The following M1AP variants were observed in gnomAD, a reference collection of about 807,000 sequenced individuals.
M1AP encodes meiosis 1 arrest protein.
M1AP carries 39 observed loss-of-function variants against 51.2 expected under a neutral mutation model. That is an observed-to-expected ratio of 0.76 (90% CI 0.59 to 1.00). The LOEUF (loss-of-function observed/expected upper bound fraction) is 1.00. Among genes scored for constraint, M1AP ranks in the 50% least tolerant of loss-of-function variants. The pLI is 0.00. For synonymous variants in M1AP, 251 were observed against 249.2 expected (o/e 1.01, Z -0.07); for missense variants, 545 against 641.2 (o/e 0.85, Z 1.62).
chr2:74,584,123 G>C (rs572921922), intron 4 of M1AP, among the ~76,000 whole-genome samples: 6 of 152,142 alleles, frequency 3.9e-5, no homozygotes, highest in African/African-American at 1.4e-4. Flanking sequence ...AACATTCCTT[G>C]CAAGTAAAGA....
At chr2:74,645,796 T>C (rs1683575877) in intron 1 of M1AP, among the ~76,000 whole-genome samples, 1 of 152,188 alleles carries the variant, frequency 6.6e-6, no homozygotes, top group Non-Finnish European at 1.5e-5. Context: ...TGTACACTGC[T>C]GCTTTAATAA....
At chr2:74,642,272 AT>A (rs1343016368) in intron 1 of M1AP, among the ~76,000 whole-genome samples, 4 of 147,494 alleles carry the variant, frequency 2.7e-5, no homozygotes, top group African/African-American at 5.4e-5. Context: ...AACTAATAAT[AT>A]ACAAAAAAAA....
intron 4 of M1AP, among the ~76,000 whole-genome samples, chr2:74,591,329 A>C (rs1396932150): frequency 6.6e-6 from 1 of 152,230 alleles, no homozygotes; most frequent in African/African-American, 2.4e-5. Context: ...GAGATTGATC[A>C]CTATTGATTG....
chr2:74,603,652 T>C (rs1487520129), intron 4 of M1AP, among the ~76,000 whole-genome samples: 1 of 151,998 alleles, frequency 6.6e-6, no homozygotes, highest in East Asian at 1.9e-4. Flanking sequence ...GGGATGGAGA[T>C]AGAAAGGACA....
chr2:74,603,312 T>A (rs755075533), intron 4 of M1AP, among the ~76,000 whole-genome samples: 40 of 152,234 alleles, frequency 2.6e-4, no homozygotes, highest in Non-Finnish European at 4.6e-4. Context: ...AAGTTTCTAA[T>A]GCCAAGGTGC....
intron 2 of M1AP, among the ~76,000 whole-genome samples, chr2:74,626,973 C>A (rs556448457): frequency 5.9e-5 from 9 of 152,200 alleles, no homozygotes; most frequent in South Asian, 2.1e-4. Context: ...ACTTTACTAG[C>A]AGAATGTCTA....
Position 74,615,027 on chromosome 2 carries a change from C to G in M1AP, c.363G>C (p.Gln121His), listed in dbSNP as rs754918726. ...CATGTCTGCTGTATTGTTTGAATTG[C>G]TGGAGCCCATCCTCTACTGCCAGCC... Reference protein sequence around the residue: ...SLRLAVEDGLQQFKQYSRHVT... With the variant: ...SLRLAVEDGLHQFKQYSRHVT... The change falls in exon 3 of 11, where the codon CAG becomes CAC. Residue 121 changes from glutamine (Q) to histidine (H), a missense_variant. Physicochemically the swap from Gln to His is conservative, Grantham distance 24. Transcript: ENST00000421985. 1 of 1,614,170 alleles carries G rather than the reference C, an allele frequency of 6.2e-7. No homozygotes were observed. Among genetic ancestry groups the G allele is most frequent in the South Asian group, 1.1e-5 (1 of 91,074 alleles).
chr2:74,589,355 G>A (rs1220249544), intron 4 of M1AP, among the ~76,000 whole-genome samples: 1 of 152,216 alleles, frequency 6.6e-6, no homozygotes, highest in African/African-American at 2.4e-5. Context: ...GCACACTCAT[G>A]TATCAACAGG....
intron 2 of M1AP, among the ~76,000 whole-genome samples, chr2:74,638,928 A>G (rs1010066687): frequency 1.8e-4 from 28 of 152,352 alleles, no homozygotes; most frequent in African/African-American, 6.7e-4. Context: ...CAAACTGTAG[A>G]AAGGATCAGT....
chr2:74,575,617 A>G (rs1255919145), intron 6 of M1AP, 38 bp from the exon 7 acceptor site: 1 of 1,534,708 alleles, frequency 6.5e-7, no homozygotes, highest in Admixed American at 1.7e-5. Context: ...CTCCTTAGTG[A>G]TATCTAGAAC....
chr2:74,611,306 G>A (rs1681328880), intron 3 of M1AP, among the ~76,000 whole-genome samples: 2 of 152,126 alleles, frequency 1.3e-5, no homozygotes, highest in Admixed American at 1.3e-4. Context: ...TATGAGGTCT[G>A]GGGCTTTTCT....
At chr2:74,588,583 C>T (rs1209474249) in intron 4 of M1AP, among the ~76,000 whole-genome samples, 2 of 152,176 alleles carry the variant, frequency 1.3e-5, no homozygotes, top group Admixed American at 6.5e-5. Flanking sequence ...TTTCTAAGCT[C>T]ATTTGCCTCA....
chr2:74,571,411 G>T (rs1455113244), intron 7 of M1AP, among the ~76,000 whole-genome samples: 3 of 152,082 alleles, frequency 2.0e-5, no homozygotes, highest in Admixed American at 2.0e-4. Flanking sequence ...AAAACAGAAG[G>T]CAAGAGAGTT....
intron 7 of M1AP, among the ~76,000 whole-genome samples, chr2:74,570,443 C>A (rs1678666710): frequency 6.6e-6 from 1 of 152,196 alleles, no homozygotes; most frequent in Non-Finnish European, 1.5e-5. Context: ...CTATGTCAAT[C>A]TGGAGTTTGG....
At chr2:74,604,658 G>C (rs1009775478) in intron 4 of M1AP, among the ~76,000 whole-genome samples, 8 of 152,158 alleles carry the variant, frequency 5.3e-5, no homozygotes, top group Admixed American at 2.0e-4. Context: ...TCCATGGCCC[G>C]GGGGTTGGAG....
intron 4 of M1AP, among the ~76,000 whole-genome samples, chr2:74,601,373 A>G (rs772886277): frequency 3.3e-5 from 5 of 152,046 alleles, no homozygotes; most frequent in Non-Finnish European, 5.9e-5. Context: ...TTTTTTGTCA[A>G]AGTAAATAAT....
Position 74,586,072 on chromosome 2 carries a change from C to CT in M1AP, c.596-4226dup, listed in dbSNP as rs576332814. Among the ~76,000 whole-genome samples, 149 of 152,344 alleles carry CT rather than the reference C, an allele frequency of 9.8e-4. 2 individuals carry two copies. Among genetic ancestry groups the CT allele is most frequent in the African/African-American group, 3.5e-3 (146 of 41,578 alleles). On this transcript the variant is annotated intron_variant, in intron 4 of 10. Coordinates refer to ENST00000421985, the MANE Select transcript of M1AP (RefSeq NM_001321739.2). ...GGCTCAGACTATTTCCTCCTCATCA[C>CT]TACCTGTTGAGATATTGCCATCCTT...
intron 2 of M1AP, chr2:74,615,387 A>G (rs1460133253): frequency 2.0e-6 from 1 of 489,776 alleles, no homozygotes; most frequent in African/African-American, 1.9e-5. Context: ...TACCAGAAAC[A>G]TGAAAGGAAG....
intron 1 of M1AP, 123 bp downstream of exon 1, chr2:74,648,142 G>A (rs1031051847): frequency 7.2e-6 from 7 of 969,392 alleles, no homozygotes; most frequent in Non-Finnish European, 8.6e-6. Context: ...CACCCGCCAC[G>A]GCCAGCGCAA....
Sources: gnomAD v4.1 joint callset for allele counts (sites outside exome capture counted in the v4.1 genomes callset) on GRCh38, gnomAD v4.1.1 for gene constraint, MANE v1.5 for transcripts, NCBI Gene and HGNC (gene_info 2026-07-23, HGNC 2026-07-21) for gene names.